Variants in ADGRG7 observed in about 807,000 individuals in gnomAD.
ADGRG7 encodes G-protein coupled receptor 128.
A neutral mutation model predicts 88.6 loss-of-function variants in ADGRG7; 82 were observed. The ratio of observed to expected loss-of-function variants is 0.93; its 90% confidence interval spans 0.77 to 1.11. The LOEUF is 1.11. Ranked by LOEUF, ADGRG7 falls within the 50% of genes most tolerant of loss-of-function variation. ADGRG7 has a pLI of 0.00. For missense variants in ADGRG7, 945 were observed against 953.4 expected (o/e 0.99, Z 0.12); for synonymous variants, 381 against 345.2 (o/e 1.10, Z -1.15).
chr3:100,620,257 C>T (rs1019522360), intron 1 of ADGRG7, among the ~76,000 whole-genome samples: 18 of 152,256 alleles, frequency 1.2e-4, no homozygotes, highest in East Asian at 5.8e-4. Flanking sequence ...GTTCAACATA[C>T]GCAAATCAAT....
intron 10 of ADGRG7, among the ~76,000 whole-genome samples, chr3:100,647,071 C>T (rs1227354039): frequency 1.3e-5 from 2 of 152,016 alleles, no homozygotes; most frequent in Non-Finnish European, 1.5e-5. Flanking sequence ...GCAGGAGAAT[C>T]GCTTGAACCT....
At chr3:100,685,349 T>A (rs974567150) in intron 15 of ADGRG7, among the ~76,000 whole-genome samples, 2 of 152,184 alleles carry the variant, frequency 1.3e-5, no homozygotes, top group Non-Finnish European at 2.9e-5. Context: ...CTAAAATTCT[T>A]GTATTTTTCC....
rs772948883 is a variant in ADGRG7, at chr3:100,694,921, C to T, written c.2314C>T (p.Arg772Cys). The change falls in exon 16 of 16, where the codon CGC becomes TGC. Residue 772 changes from arginine (R) to cysteine (C), a missense_variant. By Grantham distance (180) the Arg-to-Cys change is radical. Coordinates refer to ENST00000273352, the MANE Select transcript of ADGRG7 (RefSeq NM_032787.3). Reference sequence around the variant, plus strand: ...CAGGTCATTGCCAACCTTACATGAACGCTTTAGGCTACTGGAAACCTCTCC... The same window carrying T: ...CAGGTCATTGCCAACCTTACATGAATGCTTTAGGCTACTGGAAACCTCTCC... ...FLRSLPTLHERFRLLETSPST... is the reference protein window; with the variant it reads ...FLRSLPTLHECFRLLETSPST... 7.7e-5 allele frequency: 124 copies of T among 1,614,008 alleles called. 2 individuals carry two copies. The highest frequency in any genetic ancestry group is 2.9e-4 in the South Asian group (26 of 91,092).
rs1707530425 is a variant in ADGRG7, at chr3:100,635,803, A to G, written c.574A>G (p.Thr192Ala). 1 of 1,612,560 alleles carries G rather than the reference A, an allele frequency of 6.2e-7. No individual in the cohort carries two copies. ...ATRVVGQIFN[T>A]SRNASPEAKK... ...GCGAGTGGTTGGACAGATATTCAAC[A>G]CTTCCAGAAATGCTTCACCTGAGGT... Residue 192 changes from threonine (T) to alanine (A), a missense_variant, in exon 5 of 16, where the codon ACT becomes GCT. Transcript: ENST00000273352.
chr3:100,636,569 T>C (rs1221977964), intron 5 of ADGRG7, among the ~76,000 whole-genome samples: 1 of 152,152 alleles, frequency 6.6e-6, no homozygotes, highest in Non-Finnish European at 1.5e-5. Flanking sequence ...GGACTCACCT[T>C]GTGTATAGGT....
chr3:100,678,130 C>T (rs1041176366), intron 15 of ADGRG7, among the ~76,000 whole-genome samples: 1 of 151,790 alleles, frequency 6.6e-6, no homozygotes, highest in African/African-American at 2.4e-5. Context: ...TTTCTTCTGT[C>T]TCCTCTGACT....
intron 15 of ADGRG7, among the ~76,000 whole-genome samples, chr3:100,678,083 A>G (rs1223771153): frequency 1.3e-5 from 2 of 151,934 alleles, no homozygotes; most frequent in Non-Finnish European, 2.9e-5. Context: ...GCTATTTTCT[A>G]GATCTTGTGG....
Position 100,635,846 on chromosome 3 carries a change from A to T in ADGRG7, c.597+20A>T, listed in dbSNP as rs771659543. 13 of 1,570,506 alleles carry T rather than the reference A, an allele frequency of 8.3e-6. No individual in the cohort carries two copies. Among genetic ancestry groups the T allele is most frequent in the Admixed American group, 5.6e-5 (3 of 53,520 alleles). On this transcript the variant is annotated intron_variant, in intron 5 of 15. Transcript: ENST00000273352. ...CCTGAGGTAAAACTCACAGAGCTTTAAAAAAAATTTTTTTTTTATTTTTAG... is the reference window on the plus strand; with the variant it reads ...CCTGAGGTAAAACTCACAGAGCTTTTAAAAAAATTTTTTTTTTATTTTTAG...
chr3:100,663,405 T>C (rs2149032622), intron 14 of ADGRG7, among the ~76,000 whole-genome samples: 1 of 152,174 alleles, frequency 6.6e-6, no homozygotes, highest in South Asian at 2.1e-4. Context: ...TTATCCAATA[T>C]CAAAATACCT....
intron 1 of ADGRG7, among the ~76,000 whole-genome samples, chr3:100,621,888 G>A (rs960728857): frequency 1.3e-5 from 2 of 152,134 alleles, no homozygotes; most frequent in Non-Finnish European, 2.9e-5. Flanking sequence ...TAGCTAATAC[G>A]GCTGGTGACC....
At chr3:100,634,913 G>A (rs1336968941) in intron 4 of ADGRG7, among the ~76,000 whole-genome samples, 2 of 152,074 alleles carry the variant, frequency 1.3e-5, no homozygotes, top group African/African-American at 4.8e-5. Flanking sequence ...TACTGATTGG[G>A]TATTGTTTCT....
chr3:100,659,893 T>C (rs1227572943), intron 14 of ADGRG7, 50 bp downstream of exon 14: 2 of 1,557,194 alleles, frequency 1.3e-6, no homozygotes, highest in East Asian at 4.5e-5. Context: ...CATCCAGCAC[T>C]TAACGCAGCA....
At chr3:100,683,564 T>C (rs1194823497) in intron 15 of ADGRG7, among the ~76,000 whole-genome samples, 1 of 152,226 alleles carries the variant, frequency 6.6e-6, no homozygotes, top group Non-Finnish European at 1.5e-5. Context: ...GGCTGTGCCC[T>C]GTGGCCGGAC....
intron 4 of ADGRG7, among the ~76,000 whole-genome samples, chr3:100,634,859 A>C (rs1707509536): frequency 6.6e-6 from 1 of 152,224 alleles, no homozygotes; most frequent in Non-Finnish European, 1.5e-5. Flanking sequence ...TGCCTAGCAC[A>C]TAGCAGGGAT....
intron 10 of ADGRG7, among the ~76,000 whole-genome samples, chr3:100,647,585 G>T (rs185481278): frequency 6.6e-6 from 1 of 152,296 alleles, no homozygotes; most frequent in Non-Finnish European, 1.5e-5. Flanking sequence ...GCAAGTAACT[G>T]ATAATACTTA....
chr3:100,666,661 T>C lies in ADGRG7; in HGVS notation c.1980-2288T>C, dbSNP rs570246417. Reference sequence around the variant, plus strand: ...CTGCAAGAGGCATGCCTTCCTCTTATACTAATCCTCCTCAGCACAGACCCT... The same window carrying C: ...CTGCAAGAGGCATGCCTTCCTCTTACACTAATCCTCCTCAGCACAGACCCT... On this transcript the variant is annotated intron_variant, in intron 14 of 15. Coordinates refer to ENST00000273352, the MANE Select transcript of ADGRG7 (RefSeq NM_032787.3). 1.2e-3 allele frequency among the ~76,000 whole-genome samples: 189 copies of C among 152,280 alleles called. 1 individual carries two copies. The highest frequency in any genetic ancestry group is 4.3e-3 in the African/African-American group (179 of 41,562).
intron 1 of ADGRG7, 121 bp from the exon 2 acceptor site, chr3:100,629,477 T>C: frequency 1.6e-6 from 1 of 631,902 alleles, no homozygotes; most frequent in Non-Finnish European, 2.9e-6. Flanking sequence ...TTACAAAGAA[T>C]ATTTCTCAGC....
Position 100,646,092 on chromosome 3 carries a change from T to C in ADGRG7, c.1094T>C (p.Met365Thr). ...CAAGATCAGAGTGCTTCTGTTGACA[T>C]GGTCTTTAGTCCAAAGGTGAGTTTT... is the stretch of plus-strand genomic sequence containing the variant. ...NEQDQSASVD[M>T]VFSPKYNQKE... Residue 365 changes from methionine (M) to threonine (T), a missense_variant, in exon 9 of 16, where the codon ATG (methionine) becomes ACG (threonine). By Grantham distance (81) the Met-to-Thr change is moderately conservative. Transcript: ENST00000273352. 1 of 1,613,636 alleles carries C rather than the reference T, an allele frequency of 6.2e-7. No homozygotes were observed. The highest frequency in any genetic ancestry group is 8.5e-7 in the Non-Finnish European group (1 of 1,179,894).
At position 100,643,568 on chromosome 3, in the gene ADGRG7, CA is replaced by C; in HGVS notation, c.884del (p.Asn295MetfsTer19). On this transcript the variant is annotated frameshift_variant, in exon 8 of 16. Coordinates refer to ENST00000273352, the MANE Select transcript of ADGRG7 (RefSeq NM_032787.3). LOFTEE classifies it high-confidence loss of function. ...SLVSSSTFIH[T>X]NVDGLNPDAQ... ...GTTTCTAGTTCAACATTTATACATA[CA>C]AATGTGGATGGCCTTAACCCAGATG... 13 of 1,613,702 alleles carry C rather than the reference CA, an allele frequency of 8.1e-6. No homozygotes were observed. The highest frequency in any genetic ancestry group is 1.1e-5 in the Non-Finnish European group (13 of 1,179,668).
Sources: gnomAD v4.1 joint callset for allele counts (sites outside exome capture counted in the v4.1 genomes callset) on GRCh38, gnomAD v4.1.1 for gene constraint, MANE v1.5 for transcripts, NCBI Gene and HGNC (gene_info 2026-07-23, HGNC 2026-07-21) for gene names.